The following NUFIP2 variants were observed in gnomAD, a reference collection of about 807,000 sequenced individuals.
The protein encoded by NUFIP2 is nuclear FMR1 interacting protein 2.
Under a neutral mutation model 56.9 loss-of-function variants are expected in NUFIP2, and 6 were observed. The observed-to-expected ratio is 0.11, with a 90% CI of 0.06 to 0.21. The LOEUF (loss-of-function observed/expected upper bound fraction) is 0.21, where lower values mean the gene tolerates loss of function less well. Ranked by LOEUF, NUFIP2 falls within the 10% of genes least tolerant of loss-of-function variation. The pLI is 1.00. For synonymous variants in NUFIP2, 321 were observed against 298.2 expected, an observed-to-expected ratio of 1.08 and a Z score of -0.79; for missense variants, 828 against 826.8, an observed-to-expected ratio of 1.00 and a Z score of -0.02.
In NUFIP2 at chr17:29,294,118, G is replaced by C; in HGVS notation, c.-59C>G. The C allele has an allele frequency of 1.3e-6, 2 of 1,539,096 alleles. No individual in the cohort carries two copies. Among genetic ancestry groups the C allele is most frequent in the East Asian group, 4.5e-5 (2 of 44,158 alleles). ...GGGCTGCTGCACCGTCAGGATCTGAGACTGCTTCTCAGGGCTCACTCAGTA... is the reference window on the plus strand; with the variant it reads ...GGGCTGCTGCACCGTCAGGATCTGACACTGCTTCTCAGGGCTCACTCAGTA... On this transcript the variant is annotated 5_prime_UTR_variant, in exon 1 of 4. Coordinates refer to ENST00000225388, the MANE Select transcript of NUFIP2 (RefSeq NM_020772.3).
At chr17:29,284,108 A>G (rs113750690) in intron 2 of NUFIP2, among the ~76,000 whole-genome samples, 66 of 152,300 alleles carry the variant, frequency 4.3e-4, no homozygotes, top group African/African-American at 1.5e-3. Context: ...TAATTACCCA[A>G]TTCCCACAAT....
rs780940693 is a variant in NUFIP2, at chr17:29,286,787, T to C, written c.1207A>G (p.Met403Val). Residue 403 changes from methionine to valine, a missense_variant, in exon 2 of 4, where the codon ATG becomes GTG. Around this residue, in one of 3 missense-constraint regions of NUFIP2, gnomAD observed 404 missense variants for 380.3 expected, o/e 1.06. Coordinates refer to ENST00000225388, the MANE Select transcript of NUFIP2 (RefSeq NM_020772.3). ...QSSSRLSQVP[M>V]SALKSVTSAN... ...GAAGTAACAGATTTCAGCGCTGACA[T>C]AGGGACCTGGGATAAGCGACTTGAT... 33 of 1,613,978 alleles carry C rather than the reference T, an allele frequency of 2.0e-5. No homozygotes were observed. The highest frequency in any genetic ancestry group is 6.7e-5 in the Admixed American group (4 of 59,986).
rs2068976861 is a variant in NUFIP2, at chr17:29,257,344, A to G, written c.*7195T>C. ...GTAATGACACACAAATTAAACTTTC[A>G]AAACATGTGCATAGCTTTATTCATC... On this transcript the variant is annotated 3_prime_UTR_variant, in exon 4 of 4. Coordinates refer to ENST00000225388, the MANE Select transcript of NUFIP2 (RefSeq NM_020772.3). The G allele has an allele frequency of 6.6e-6, 1 of 152,190 alleles. No individual in the cohort carries two copies. The highest frequency in any genetic ancestry group is 1.5e-5 in the Non-Finnish European group (1 of 68,024). 9.4% of individuals were successfully genotyped at this position (152,190 alleles called of 1,614,324 possible).
At chr17:29,281,998 G>A (rs112442366) in intron 2 of NUFIP2, among the ~76,000 whole-genome samples, 19,139 of 151,330 alleles carry the variant, frequency 0.13, 1,372 homozygotes, top group East Asian at 0.29. Context: ...TCCTGACCTC[G>A]TGATCCACCC....
chr17:29,265,773 C>T (rs375921989), intron 3 of NUFIP2, among the ~76,000 whole-genome samples: 1 of 142,858 alleles, frequency 7.0e-6, no homozygotes, highest in Non-Finnish European at 1.5e-5. Flanking sequence ...ATTTTAAAGG[C>T]CTGAAAATAG....
chr17:29,264,723 C>T, intron 3 of NUFIP2, 132 bp from the exon 4 acceptor site: 2 of 550,148 alleles, frequency 3.6e-6, no homozygotes, highest in Middle Eastern at 1.0e-3. Context: ...AAGCCCATTT[C>T]CTCCTTGTAC....
At position 29,286,118 on chromosome 17, in the gene NUFIP2, G is replaced by A. The variant is rs559910853; in HGVS notation, c.1876C>T (p.Pro626Ser). Residue 626 changes from proline to serine, a missense_variant, in exon 2 of 4, where the codon CCT becomes TCT. Pro to Ser is a moderately conservative substitution (Grantham distance 74). Around this residue, in one of 3 missense-constraint regions of NUFIP2, gnomAD observed 404 missense variants for 380.3 expected, o/e 1.06. Transcript: ENST00000225388. ...SKDYEIESQN[P>S]LASPTNTLLG... ...AAAGTGTTCGTAGGAGAGGCCAGAGGATTTTGACTTTCTATCTCGTAGTCC... is the reference window on the plus strand; with the variant it reads ...AAAGTGTTCGTAGGAGAGGCCAGAGAATTTTGACTTTCTATCTCGTAGTCC... 4 of 1,614,110 alleles carry A rather than the reference G, an allele frequency of 2.5e-6. 1 individual carries two copies. In the South Asian group the frequency reaches 4.4e-5, roughly 18 times the overall value.
chr17:29,289,722 T>C (rs2069199343), intron 1 of NUFIP2, among the ~76,000 whole-genome samples: 1 of 152,196 alleles, frequency 6.6e-6, no homozygotes, highest in Admixed American at 6.5e-5. Flanking sequence ...CCAAAATAAA[T>C]TAATGGAGAA....
chr17:29,256,043 T>C lies in NUFIP2; in HGVS notation c.*8496A>G, dbSNP rs1837948503. Reference sequence around the variant, plus strand: ...GTAAATGACACTTCCTCAGAATCCATGACATCAGAAACAGCTATAGCAAAT... The same window carrying C: ...GTAAATGACACTTCCTCAGAATCCACGACATCAGAAACAGCTATAGCAAAT... On this transcript the variant is annotated 3_prime_UTR_variant, in exon 4 of 4. Coordinates refer to ENST00000225388, the MANE Select transcript of NUFIP2 (RefSeq NM_020772.3). 1 of 152,192 alleles carries C rather than the reference T, an allele frequency of 6.6e-6. No homozygotes were observed. The highest frequency in any genetic ancestry group is 2.4e-5 in the African/African-American group (1 of 41,448). The allele number at this position is 152,192 out of a possible 1,614,324, so 9.4% of individuals were successfully genotyped here.
intron 2 of NUFIP2, among the ~76,000 whole-genome samples, chr17:29,275,142 C>G (rs928307655): frequency 2.0e-5 from 3 of 152,046 alleles, no homozygotes; most frequent in Non-Finnish European, 4.4e-5. Flanking sequence ...CCTCAGCCCC[C>G]CCCAAGCAGC....
chr17:29,279,762 G>A (rs1440839117), intron 2 of NUFIP2, among the ~76,000 whole-genome samples: 1 of 152,076 alleles, frequency 6.6e-6, no homozygotes, highest in Admixed American at 6.6e-5. Context: ...TGATTTTCCT[G>A]CCTCACTTCA....
chr17:29,265,404 G>A (rs1243921144), intron 3 of NUFIP2, among the ~76,000 whole-genome samples: 1 of 145,610 alleles, frequency 6.9e-6, no homozygotes, highest in East Asian at 2.0e-4. Context: ...CCGGGTTCAC[G>A]CCATTCTCCT....
chr17:29,293,593 G>A (rs533463174), intron 1 of NUFIP2, among the ~76,000 whole-genome samples, 190 bp downstream of exon 1: 1 of 152,228 alleles, frequency 6.6e-6, no homozygotes, highest in East Asian at 1.9e-4. Flanking sequence ...CCATGCTGGA[G>A]GGAAGGAGAG....
At position 29,258,156 on chromosome 17, in the gene NUFIP2, T is replaced by C. The variant is rs2068981086; in HGVS notation, c.*6383A>G. 1 of 152,186 alleles carries C rather than the reference T, an allele frequency of 6.6e-6. No individual in the cohort carries two copies. The highest frequency in any genetic ancestry group is 2.1e-4 in the South Asian group (1 of 4,838). 9.4% of individuals were successfully genotyped at this position (152,186 alleles called of 1,614,324 possible). A position where few individuals can be genotyped will look rare whatever the true frequency, so the allele number is the denominator to read the frequency against. ...ATATTAAATAAGCAAATTAAAATTTTGGCTTTGCGATATTGGCAACATCAA... is the reference window on the plus strand; with the variant it reads ...ATATTAAATAAGCAAATTAAAATTTCGGCTTTGCGATATTGGCAACATCAA... On this transcript the variant is annotated 3_prime_UTR_variant, in exon 4 of 4. Coordinates refer to ENST00000225388, the MANE Select transcript of NUFIP2 (RefSeq NM_020772.3).
chr17:29,271,105 AT>A (rs1466582551), intron 2 of NUFIP2, among the ~76,000 whole-genome samples: 1 of 152,238 alleles, frequency 6.6e-6, no homozygotes, highest in Non-Finnish European at 1.5e-5. Context: ...TTTAAAAATG[AT>A]TTATGATAAA....
At chr17:29,270,815 T>C (rs2069067638) in intron 2 of NUFIP2, among the ~76,000 whole-genome samples, 1 of 151,816 alleles carries the variant, frequency 6.6e-6, no homozygotes, top group South Asian at 2.1e-4. Flanking sequence ...TATTAAAAAA[T>C]AAATAAGAAA....
Position 29,262,757 on chromosome 17 carries a change from A to T in NUFIP2, c.*1782T>A, listed in dbSNP as rs1433548031. 6.7e-6 allele frequency: 1 copy of T among 150,194 alleles called. No individual in the cohort carries two copies. Among genetic ancestry groups the T allele is most frequent in the African/African-American group, 2.4e-5 (1 of 41,070 alleles). 9.3% of individuals were successfully genotyped at this position (150,194 alleles called of 1,614,324 possible). A position where few individuals can be genotyped will look rare whatever the true frequency, so the allele number is the denominator to read the frequency against. On this transcript the variant is annotated 3_prime_UTR_variant, in exon 4 of 4. Coordinates refer to ENST00000225388, the MANE Select transcript of NUFIP2 (RefSeq NM_020772.3). ...TATATATATATATATATTATGTATA[A>T]AAAAAAGTTTTGTTTACATCAAGTG...
chr17:29,284,572 G>C (rs1196360397), intron 2 of NUFIP2, among the ~76,000 whole-genome samples: 3 of 151,742 alleles, frequency 2.0e-5, no homozygotes, highest in African/African-American at 4.8e-5. Flanking sequence ...CAGGCGTGGT[G>C]GTGGGCACCT....
chr17:29,273,572 A>G (rs2069089612), intron 2 of NUFIP2, among the ~76,000 whole-genome samples: 1 of 152,192 alleles, frequency 6.6e-6, no homozygotes, highest in Admixed American at 6.5e-5. Flanking sequence ...TTGAAGAGTG[A>G]TCACAGCATC....
Sources: gnomAD v4.1 joint callset for allele counts (sites outside exome capture counted in the v4.1 genomes callset) on GRCh38, gnomAD v4.1.1 for gene constraint, gnomAD v4.1.1 regional missense constraint, MANE v1.5 for transcripts, NCBI Gene and HGNC (gene_info 2026-07-23, HGNC 2026-07-21) for gene names.